The following TBXAS1 variants were observed in gnomAD, a reference collection of about 807,000 sequenced individuals.
The protein encoded by TBXAS1 is thromboxane-A synthase.
In TBXAS1, 48 loss-of-function variants were observed where a neutral mutation model predicts 60.7. The observed-to-expected ratio is 0.79, with a 90% CI of 0.63 to 1.01. TBXAS1 has a LOEUF of 1.01. Ranked by LOEUF, TBXAS1 falls within the 50% of genes least tolerant of loss-of-function variation. The probability of loss-of-function intolerance (pLI) is 0.00; values close to 1 mark genes in which losing one functional copy is unlikely to be tolerated. For missense variants in TBXAS1, 685 were observed against 686.3 expected (o/e 1.00, Z 0.02); for synonymous variants, 287 against 269.7 (o/e 1.06, Z -0.63).
chr7:140,018,214 A>G (rs1298696563), intron 12 of TBXAS1, among the ~76,000 whole-genome samples: 4 of 152,158 alleles, frequency 2.6e-5, no homozygotes, highest in Non-Finnish European at 5.9e-5. Context: ...CAGTTGTGAC[A>G]TGTGCCTGCC....
At chr7:139,976,918 C>G (rs957598460) in intron 9 of TBXAS1, among the ~76,000 whole-genome samples, 4 of 152,148 alleles carry the variant, frequency 2.6e-5, no homozygotes, top group African/African-American at 9.7e-5. Context: ...ATCAGATTAT[C>G]AGGAAGTCGT....
intron 4 of TBXAS1, 74 bp downstream of exon 4, chr7:139,911,395 A>G (rs988669992): frequency 2.3e-6 from 3 of 1,303,218 alleles, no homozygotes; most frequent in Non-Finnish European, 3.3e-6. Flanking sequence ...GTCAGATCCA[A>G]TGGGGATGCA....
chr7:139,973,555 C>CTT (rs8192843), intron 9 of TBXAS1, among the ~76,000 whole-genome samples: 5 of 137,528 alleles, frequency 3.6e-5, no homozygotes, highest in Middle Eastern at 3.9e-3. Flanking sequence ...GGTGAGCTTT[C>CTT]TTTTTTTTTT....
chr7:139,867,743 G>C, intron 1 of TBXAS1, among the ~76,000 whole-genome samples: 1 of 152,130 alleles, frequency 6.6e-6, no homozygotes, highest in Non-Finnish European at 1.5e-5. Flanking sequence ...CTTGAGCCCA[G>C]GAAGAGGAGG....
chr7:139,832,460 A>G (rs923579063), intron 1 of TBXAS1, among the ~76,000 whole-genome samples: 3 of 152,098 alleles, frequency 2.0e-5, no homozygotes, highest in Non-Finnish European at 2.9e-5. Context: ...GTCTGGGATT[A>G]TGTTAAATGA....
chr7:139,813,244 C>T (rs1482365907), intron 4 of TBXAS1, among the ~76,000 whole-genome samples: 1 of 152,144 alleles, frequency 6.6e-6, no homozygotes, highest in Non-Finnish European at 1.5e-5. Context: ...AGCCCTGGAC[C>T]TTTCGTATTC....
chr7:140,001,519 G>T (rs1215046504), intron 9 of TBXAS1, among the ~76,000 whole-genome samples: 2 of 152,142 alleles, frequency 1.3e-5, no homozygotes, highest in African/African-American at 4.8e-5. Flanking sequence ...AGCCTCCCAA[G>T]TAGCTGGGAT....
chr7:139,836,074 AT>A (rs1799040415), intron 1 of TBXAS1, among the ~76,000 whole-genome samples: 1 of 149,412 alleles, frequency 6.7e-6, no homozygotes, highest in African/African-American at 2.5e-5. Context: ...AAATAAATAA[AT>A]AAATAAATAA....
intron 10 of TBXAS1, 147 bp downstream of exon 10, chr7:140,007,329 T>C (rs1043511331): frequency 2.8e-6 from 2 of 726,456 alleles, no homozygotes; most frequent in Non-Finnish European, 4.9e-6. Context: ...TGTATCCCCA[T>C]GGCACCTCAG....
At chr7:139,845,494 T>C (rs1204169016) in intron 1 of TBXAS1, among the ~76,000 whole-genome samples, 1 of 152,132 alleles carries the variant, frequency 6.6e-6, no homozygotes, top group South Asian at 2.1e-4. Context: ...CCTAGGTTCT[T>C]GCCCCAATGT....
chr7:139,831,324 C>G (rs914823108), intron 1 of TBXAS1, among the ~76,000 whole-genome samples: 3 of 152,154 alleles, frequency 2.0e-5, no homozygotes, highest in Non-Finnish European at 4.4e-5. Flanking sequence ...CAAGGGGAAC[C>G]ACCCTTGGGC....
chr7:139,842,463 G>C (rs1482460422), intron 1 of TBXAS1, among the ~76,000 whole-genome samples: 1 of 152,196 alleles, frequency 6.6e-6, no homozygotes, highest in Non-Finnish European at 1.5e-5. Flanking sequence ...CTGAAGGGAA[G>C]TACGCGGTCT....
intron 5 of TBXAS1, 102 bp downstream of exon 5, chr7:139,936,409 C>G: frequency 8.4e-7 from 1 of 1,192,782 alleles, no homozygotes; most frequent in Non-Finnish European, 1.2e-6. Context: ...GCCCAGGTGA[C>G]ACATCAAAAT....
At chr7:139,822,878 A>G (rs910145948) in intron 4 of TBXAS1, among the ~76,000 whole-genome samples, 1 of 151,994 alleles carries the variant, frequency 6.6e-6, no homozygotes, top group Admixed American at 6.6e-5. Context: ...GAAAGCATCC[A>G]ATCTGCCTCC....
intron 9 of TBXAS1, among the ~76,000 whole-genome samples, chr7:139,973,008 G>A (rs1373585806): frequency 6.6e-6 from 1 of 152,046 alleles, no homozygotes; most frequent in Non-Finnish European, 1.5e-5. Context: ...AAAGGGGTCG[G>A]TGGAGTCAAA....
intron 4 of TBXAS1, among the ~76,000 whole-genome samples, chr7:139,931,464 C>G (rs146736703): frequency 0.024 from 3,616 of 152,262 alleles, 127 homozygotes; most frequent in African/African-American, 0.08. Flanking sequence ...TTTCACACTG[C>G]TGATAAAGAC....
intron 4 of TBXAS1, among the ~76,000 whole-genome samples, chr7:139,791,392 C>G (rs1035394419): frequency 6.6e-6 from 1 of 152,260 alleles, no homozygotes; most frequent in South Asian, 2.1e-4. Context: ...ATGGAGGATA[C>G]CCCCACGGGA....
At chr7:139,881,050 T>A (rs1051100651) in intron 3 of TBXAS1, among the ~76,000 whole-genome samples, 1 of 152,226 alleles carries the variant, frequency 6.6e-6, no homozygotes. Flanking sequence ...AGTTTGAGCA[T>A]CTTTTCATAT....
At chr7:139,790,276 G>C (rs1334425012) in intron 4 of TBXAS1, among the ~76,000 whole-genome samples, 2 of 152,150 alleles carry the variant, frequency 1.3e-5, no homozygotes, top group Non-Finnish European at 2.9e-5. Flanking sequence ...GATCTTTTGG[G>C]TTTCATGTTG....
Sources: gnomAD v4.1 joint callset for allele counts (sites outside exome capture counted in the v4.1 genomes callset) on GRCh38, gnomAD v4.1.1 for gene constraint, MANE v1.5 for transcripts, NCBI Gene and HGNC (gene_info 2026-07-23, HGNC 2026-07-21) for gene names.